The following ARHGAP15 variants were observed in gnomAD, a reference collection of about 807,000 sequenced individuals.
ARHGAP15 encodes Rho GTPase activating protein 15, also known as rho GTPase-activating protein 15.
Under a neutral mutation model 63.7 loss-of-function variants are expected in ARHGAP15, and 51 were observed. The observed-to-expected ratio is 0.80, with a 90% CI of 0.64 to 1.01. The LOEUF is 1.01. Ranked by LOEUF, ARHGAP15 falls within the 50% of genes least tolerant of loss-of-function variation. The pLI, the probability that ARHGAP15 is intolerant of heterozygous loss-of-function variation, is 0.00. For missense variants in ARHGAP15, 560 were observed against 564.6 expected (o/e 0.99, Z 0.08); for synonymous variants, 191 against 193.8 (o/e 0.99, Z 0.12).
chr2:143,624,640 A>G (rs1042269018), intron 12 of ARHGAP15, among the ~76,000 whole-genome samples: 1 of 152,182 alleles, frequency 6.6e-6, no homozygotes, highest in Non-Finnish European at 1.5e-5. Flanking sequence ...AGCGGTCTCG[A>G]AAAGGATCCT....
At chr2:143,763,080 T>C (rs982760897) in intron 13 of ARHGAP15, among the ~76,000 whole-genome samples, 2 of 152,162 alleles carry the variant, frequency 1.3e-5, no homozygotes, top group African/African-American at 2.4e-5. Context: ...ACATATGTTT[T>C]ACTAGTTGAA....
intron 12 of ARHGAP15, 129 bp downstream of exon 12, chr2:143,624,396 C>G: frequency 1.8e-6 from 2 of 1,093,390 alleles, no homozygotes. Context: ...CCATATCTTA[C>G]GTTTTCGTTT....
intron 11 of ARHGAP15, among the ~76,000 whole-genome samples, chr2:143,622,978 C>T (rs1250663650): frequency 6.6e-6 from 1 of 152,000 alleles, no homozygotes; most frequent in Non-Finnish European, 1.5e-5. Flanking sequence ...GAATGCGAGC[C>T]CAAGACATCA....
intron 10 of ARHGAP15, among the ~76,000 whole-genome samples, chr2:143,550,296 C>T (rs1695497888): frequency 6.6e-6 from 1 of 152,070 alleles, no homozygotes; most frequent in Admixed American, 6.6e-5. Flanking sequence ...GAAATAAATA[C>T]TCAAGTCAAC....
At chr2:143,647,324 A>G (rs936873520) in intron 12 of ARHGAP15, among the ~76,000 whole-genome samples, 6 of 151,086 alleles carry the variant, frequency 4.0e-5, no homozygotes, top group Admixed American at 2.7e-4. Flanking sequence ...AAAGCAATCA[A>G]TTGAGCATGG....
At chr2:143,708,142 T>C (rs1488044817) in intron 13 of ARHGAP15, among the ~76,000 whole-genome samples, 1 of 152,188 alleles carries the variant, frequency 6.6e-6, no homozygotes, top group African/African-American at 2.4e-5. Flanking sequence ...AACTCTAAGC[T>C]TCCATTTTGT....
intron 6 of ARHGAP15, chr2:143,344,353 T>G (rs1685180476): frequency 6.6e-6 from 1 of 152,128 alleles, no homozygotes; most frequent in Non-Finnish European, 1.5e-5. Flanking sequence ...TCAACAAGTT[T>G]TTTAAGATGT....
rs74750512 is a variant in ARHGAP15, at chr2:143,762,960, C to T, written c.1245-5029C>T. ...TACAACTCAACTAAAGCTCAAGCTA[C>T]TTGAAGTACACCTGACTGTTTTTGA... On this transcript the variant is annotated intron_variant, in intron 13 of 13. Coordinates refer to ENST00000295095, the MANE Select transcript of ARHGAP15 (RefSeq NM_018460.4). Among the ~76,000 whole-genome samples, 19 of 152,242 alleles carry T rather than the reference C, an allele frequency of 1.2e-4. No homozygotes were observed. The East Asian group carries it at 3.7e-3, about 29-fold the overall frequency.
chr2:143,507,885 T>C (rs1693394149), intron 9 of ARHGAP15, among the ~76,000 whole-genome samples: 1 of 152,126 alleles, frequency 6.6e-6, no homozygotes, highest in South Asian at 2.1e-4. Flanking sequence ...TTCCATTGGA[T>C]TCATTCTTAC....
At chr2:143,307,674 A>G (rs888723553) in intron 6 of ARHGAP15, among the ~76,000 whole-genome samples, 1 of 152,138 alleles carries the variant, frequency 6.6e-6, no homozygotes, top group African/African-American at 2.4e-5. Context: ...CCTCATTCAA[A>G]CGAAAAAAAA....
chr2:143,585,712 G>T (rs751416683), intron 11 of ARHGAP15, among the ~76,000 whole-genome samples: 2 of 152,102 alleles, frequency 1.3e-5, no homozygotes, highest in African/African-American at 2.4e-5. Context: ...CTTTCTCATT[G>T]ATGAGGAAAT....
At chr2:143,273,245 G>T (rs1476445523) in intron 6 of ARHGAP15, among the ~76,000 whole-genome samples, 1 of 151,734 alleles carries the variant, frequency 6.6e-6, no homozygotes. Context: ...AAAGAAATTG[G>T]GTGGGAATAC....
chr2:143,190,179 G>C (rs1432737949), intron 2 of ARHGAP15, among the ~76,000 whole-genome samples: 1 of 152,152 alleles, frequency 6.6e-6, no homozygotes. Context: ...TTGTAAGTTA[G>C]TAAGTAGTTA....
At chr2:143,683,203 AAT>A in intron 12 of ARHGAP15, among the ~76,000 whole-genome samples, 1 of 152,280 alleles carries the variant, frequency 6.6e-6, no homozygotes, top group South Asian at 2.1e-4. Context: ...AACTGATTTT[AAT>A]AGAGTCGATC....
chr2:143,187,711 T>C (rs1334664061), intron 2 of ARHGAP15, among the ~76,000 whole-genome samples: 4 of 152,330 alleles, frequency 2.6e-5, no homozygotes, highest in Admixed American at 6.5e-5. Flanking sequence ...TGCTGAATCA[T>C]ACTTATAATT....
intron 2 of ARHGAP15, among the ~76,000 whole-genome samples, chr2:143,158,386 C>T (rs985715138): frequency 6.6e-6 from 1 of 151,814 alleles, no homozygotes; most frequent in African/African-American, 2.4e-5. Flanking sequence ...GCTATGCAAA[C>T]GTAGGTGAAT....
intron 12 of ARHGAP15, among the ~76,000 whole-genome samples, chr2:143,628,447 G>A (rs1698928154): frequency 6.6e-6 from 1 of 152,182 alleles, no homozygotes; most frequent in African/African-American, 2.4e-5. Context: ...CCCGGTCAAA[G>A]CCACTGGAAG....
chr2:143,701,795 G>A (rs1430063022), intron 12 of ARHGAP15, among the ~76,000 whole-genome samples: 1 of 147,160 alleles, frequency 6.8e-6, no homozygotes, highest in Non-Finnish European at 1.5e-5. Context: ...ACAGATTCGA[G>A]AAAGCTCTTT....
intron 11 of ARHGAP15, among the ~76,000 whole-genome samples, chr2:143,600,785 G>A (rs1406832518): frequency 6.6e-6 from 1 of 152,078 alleles, no homozygotes; most frequent in African/African-American, 2.4e-5. Flanking sequence ...TGATTTTGGT[G>A]AACTCTCAGT....
Sources: gnomAD v4.1 joint callset for allele counts (sites outside exome capture counted in the v4.1 genomes callset) on GRCh38, gnomAD v4.1.1 for gene constraint, MANE v1.5 for transcripts, NCBI Gene and HGNC (gene_info 2026-07-23, HGNC 2026-07-21) for gene names.